Variants in SLC24A3 observed in about 807,000 individuals in gnomAD.
SLC24A3 encodes the protein solute carrier family 24 member 3.
In SLC24A3, 28 loss-of-function variants were observed where a neutral mutation model predicts 75.8. The observed-to-expected ratio is 0.37, with a 90% CI of 0.27 to 0.51. The LOEUF is 0.51. Among genes scored for constraint, SLC24A3 ranks in the 20% least tolerant of loss-of-function variants. SLC24A3 has a pLI of 0.94. For missense variants in SLC24A3, 663 were observed against 847.8 expected (o/e 0.78, Z 2.71); for synonymous variants, 372 against 334.1 (o/e 1.11, Z -1.24).
At chr20:19,639,509 G>C (rs1423213375) in intron 6 of SLC24A3, among the ~76,000 whole-genome samples, 1 of 152,156 alleles carries the variant, frequency 6.6e-6, no homozygotes, top group Non-Finnish European at 1.5e-5. Flanking sequence ...ACAATCCCTG[G>C]GCTAGACATA....
rs6035421 is a variant in SLC24A3 at position 19,707,503 on chromosome 20, G to A, written c.1719+8823G>A. ...AGGTGTTATTATAACTACGATTGAG[G>A]ATTTTAGCAAGGCAATGGCATGATT... On this transcript the variant is annotated intron_variant, in intron 15 of 16. Transcript: ENST00000328041. 5.3e-3 allele frequency among the ~76,000 whole-genome samples: 810 copies of A among 152,318 alleles called. 10 individuals are homozygous for A. Among genetic ancestry groups the A allele is most frequent in the African/African-American group, 0.019 (776 of 41,564 alleles).
At chr20:19,587,773 G>C (rs2031319638) in intron 6 of SLC24A3, among the ~76,000 whole-genome samples, 1 of 152,214 alleles carries the variant, frequency 6.6e-6, no homozygotes, top group African/African-American at 2.4e-5. Flanking sequence ...CATCTATAGA[G>C]TGGGTACAAG....
At chr20:19,418,605 ATAAATAT>A (rs1986864747) in intron 2 of SLC24A3, among the ~76,000 whole-genome samples, 6 of 152,010 alleles carry the variant, frequency 3.9e-5, no homozygotes, top group Admixed American at 3.9e-4. Flanking sequence ...TATCCAGCTC[ATAAATAT>A]GAGTTGACTA....
At chr20:19,698,124 A>G (rs1183465512) in intron 14 of SLC24A3, among the ~76,000 whole-genome samples, 4 of 151,930 alleles carry the variant, frequency 2.6e-5, no homozygotes, top group Admixed American at 6.6e-5. Flanking sequence ...GGTGCTACAC[A>G]TGTTTAAATA....
intron 2 of SLC24A3, among the ~76,000 whole-genome samples, chr20:19,352,426 A>G (rs1237752024): frequency 6.6e-6 from 1 of 152,200 alleles, no homozygotes; most frequent in East Asian, 1.9e-4. Context: ...GGCTCACGAC[A>G]AAGGAAACTA....
chr20:19,627,154 C>T (rs971325603), intron 6 of SLC24A3, among the ~76,000 whole-genome samples: 8 of 152,192 alleles, frequency 5.3e-5, no homozygotes, highest in African/African-American at 9.6e-5. Flanking sequence ...AAAGATCTGA[C>T]GAAGTGAAAG....
intron 2 of SLC24A3, among the ~76,000 whole-genome samples, chr20:19,484,007 C>T (rs1276715200): frequency 6.6e-6 from 1 of 152,262 alleles, no homozygotes; most frequent in African/African-American, 2.4e-5. Context: ...TATCCAAAAG[C>T]AGGGTCTTGA....
intron 15 of SLC24A3, among the ~76,000 whole-genome samples, chr20:19,710,856 A>T (rs1260463855): frequency 2.6e-5 from 4 of 152,246 alleles, no homozygotes; most frequent in Non-Finnish European, 1.5e-5. Flanking sequence ...AACACTTAAG[A>T]TCTGTGCATT....
At chr20:19,661,607 T>G (rs1243728722) in intron 7 of SLC24A3, among the ~76,000 whole-genome samples, 4 of 152,170 alleles carry the variant, frequency 2.6e-5, no homozygotes, top group African/African-American at 9.7e-5. Context: ...ATGATGTTGA[T>G]TTTCTCCCAT....
At position 19,292,441 on chromosome 20, in the gene SLC24A3, C is replaced by G. The variant is rs563822576; in HGVS notation, c.271+11354C>G. 3.9e-5 allele frequency among the ~76,000 whole-genome samples: 6 copies of G among 152,298 alleles called. No individual in the cohort carries two copies. The South Asian group carries it at 1.2e-3, about 32-fold the overall frequency. ...AACCCAGGCGGAAAGTAAAAATAGTCTTAGTTGTCAAAGCACAGGAGCCAG... is the reference window on the plus strand; with the variant it reads ...AACCCAGGCGGAAAGTAAAAATAGTGTTAGTTGTCAAAGCACAGGAGCCAG... On this transcript the variant is annotated intron_variant, in intron 2 of 16. Coordinates refer to ENST00000328041, the MANE Select transcript of SLC24A3 (RefSeq NM_020689.4).
At chr20:19,469,557 A>T (rs1238096953) in intron 2 of SLC24A3, among the ~76,000 whole-genome samples, 2 of 152,120 alleles carry the variant, frequency 1.3e-5, no homozygotes, top group Non-Finnish European at 2.9e-5. Context: ...ATGTTGCATG[A>T]TGCCTTCATC....
At chr20:19,568,914 T>G (rs978236423) in intron 3 of SLC24A3, among the ~76,000 whole-genome samples, 5 of 152,208 alleles carry the variant, frequency 3.3e-5, no homozygotes, top group African/African-American at 1.2e-4. Context: ...ACAGAGAGAC[T>G]TTTTTAATGA....
chr20:19,397,198 A>G (rs1260671850), intron 2 of SLC24A3, among the ~76,000 whole-genome samples: 1 of 152,226 alleles, frequency 6.6e-6, no homozygotes, highest in East Asian at 1.9e-4. Context: ...CATGTCTTAC[A>G]TGTTTTTAAG....
chr20:19,308,000 T>A (rs1327806274), intron 2 of SLC24A3, among the ~76,000 whole-genome samples: 4 of 152,142 alleles, frequency 2.6e-5, no homozygotes, highest in Non-Finnish European at 5.9e-5. Context: ...TAAAGTGAAA[T>A]GTTATCTTTA....
At chr20:19,233,216 G>A (rs1982072859) in intron 1 of SLC24A3, among the ~76,000 whole-genome samples, 1 of 152,244 alleles carries the variant, frequency 6.6e-6, no homozygotes, top group Non-Finnish European at 1.5e-5. Flanking sequence ...TCTCTCCCCA[G>A]GCTCCCCGTG....
At chr20:19,535,748 T>C (rs577418805) in intron 3 of SLC24A3, among the ~76,000 whole-genome samples, 1 of 152,288 alleles carries the variant, frequency 6.6e-6, no homozygotes, top group African/African-American at 2.4e-5. Context: ...AGATTGCATA[T>C]TTATTTAGGG....
chr20:19,622,518 T>G (rs1393126008), intron 6 of SLC24A3, among the ~76,000 whole-genome samples: 5 of 152,192 alleles, frequency 3.3e-5, no homozygotes, highest in African/African-American at 1.2e-4. Context: ...TCAGGGAGCA[T>G]GGTTCAACAC....
intron 3 of SLC24A3, among the ~76,000 whole-genome samples, chr20:19,534,406 G>T (rs1420396510): frequency 5.5e-5 from 1 of 18,288 alleles, no homozygotes; most frequent in Non-Finnish European, 1.5e-4. Flanking sequence ...TTCTGTTGTT[G>T]TTTTTTTGTT....
At chr20:19,673,569 A>T in intron 8 of SLC24A3, 32 bp from the exon 9 acceptor site, 1 of 1,600,248 alleles carries the variant, frequency 6.2e-7, no homozygotes, top group Middle Eastern at 1.7e-4. Context: ...GATGTCCATG[A>T]CTGTCTTTAA....
Sources: allele counts gnomAD v4.1 joint callset (sites outside exome capture counted in the v4.1 genomes callset), GRCh38; gene constraint gnomAD v4.1.1; transcripts MANE v1.5; gene names NCBI Gene and HGNC (gene_info 2026-07-23, HGNC 2026-07-21).